ANK2: variants seen among roughly 807,000 people sequenced by gnomAD.
ANK2 encodes ankyrin-2.
In ANK2, 83 loss-of-function variants were observed where a neutral mutation model predicts 360.5. That is an observed-to-expected ratio of 0.23 (90% CI 0.19 to 0.28). ANK2 has a LOEUF of 0.28. Ranked by LOEUF, ANK2 falls within the 10% of genes least tolerant of loss-of-function variation. The pLI is 1.00. For missense variants in ANK2, 4,201 were observed against 4,795.7 expected (o/e 0.88, Z 3.66); for synonymous variants, 1,740 against 1,759.5 (o/e 0.99, Z 0.28).
the ANK2 span, among the ~76,000 whole-genome samples, chr4:112,763,529 G>GC: frequency 2.0e-5 from 2 of 98,182 alleles, no homozygotes; most frequent in Non-Finnish European, 4.3e-5. Flanking sequence ...ACAGCGCCTG[G>GC]CCTTTTTTTT....
At chr4:112,868,117 T>A (rs2071405726) in intron 1 of ANK2, among the ~76,000 whole-genome samples, 1 of 152,360 alleles carries the variant, frequency 6.6e-6, no homozygotes, top group South Asian at 2.1e-4. Context: ...AAGTGATATA[T>A]CATTATGTTT....
intron 1 of ANK2, among the ~76,000 whole-genome samples, chr4:112,852,179 A>T (rs1450184307): frequency 6.6e-6 from 1 of 152,228 alleles, no homozygotes; most frequent in Non-Finnish European, 1.5e-5. Context: ...CATGTAACAG[A>T]ACTTTAGAAA....
At chr4:112,906,714 G>A (rs1160851633) in intron 2 of ANK2, among the ~76,000 whole-genome samples, 1 of 152,160 alleles carries the variant, frequency 6.6e-6, no homozygotes, top group Non-Finnish European at 1.5e-5. Context: ...TATTTTCTCT[G>A]TGAAGAAGAT....
At chr4:112,752,013 A>T in the ANK2 span, among the ~76,000 whole-genome samples, 1 of 152,214 alleles carries the variant, frequency 6.6e-6, no homozygotes, top group Non-Finnish European at 1.5e-5. Context: ...TAGCATTCCC[A>T]GGACTTATTA....
chr4:112,790,484 CTTTTTTTTTT>C, the ANK2 span, among the ~76,000 whole-genome samples: 28 of 113,758 alleles, frequency 2.5e-4, no homozygotes, highest in Non-Finnish European at 3.3e-4. Flanking sequence ...CTTTTCTTTT[CTTTTTTTTTT>C]TTTTTTTTTT....
intron 2 of ANK2, among the ~76,000 whole-genome samples, chr4:113,012,892 A>C (rs573303180): frequency 2.0e-5 from 3 of 152,142 alleles, no homozygotes; most frequent in Non-Finnish European, 2.9e-5. Flanking sequence ...TCATCCATAG[A>C]TGCCTATCAC....
At position 113,333,304 on chromosome 4, in the gene ANK2, G is replaced by T. The variant is rs1166485683; in HGVS notation, c.3379+96G>T. On this transcript the variant is annotated intron_variant, in intron 29 of 45. Coordinates refer to ENST00000357077, the MANE Select transcript of ANK2 (RefSeq NM_001148.6). ...GACCTAGGGGTGTGTGTATATGTGT[G>T]TGTGTGTGTGTGTGTGTGTGTGTGT... is the stretch of plus-strand genomic sequence containing the variant. The T allele has an allele frequency of 9.2e-6, 11 of 1,189,664 alleles. No homozygotes were observed. In the East Asian group the frequency reaches 2.9e-4, roughly 31 times the overall value. The allele number at this position is 1,189,664 out of a possible 1,614,324, so 73.7% of individuals were successfully genotyped here. A position where few individuals can be genotyped will look rare whatever the true frequency, so the allele number is the denominator to read the frequency against.
At chr4:112,888,361 A>G (rs1280924408) in intron 1 of ANK2, among the ~76,000 whole-genome samples, 1 of 152,190 alleles carries the variant, frequency 6.6e-6, no homozygotes. Flanking sequence ...CTGTTCACAA[A>G]GTCAGAACAC....
At chr4:113,101,152 T>G (rs964878765) in intron 1 of ANK2, among the ~76,000 whole-genome samples, 72 of 152,270 alleles carry the variant, frequency 4.7e-4, no homozygotes, top group African/African-American at 1.6e-3. Context: ...CTTAATTAAT[T>G]AAAAAATAGA....
In ANK2 at chr4:113,365,083, A is replaced by G. The variant is rs1298045728; in HGVS notation, c.10933A>G (p.Ile3645Val). ...TCTCACCAAGATCAACCGAATGGATATTGTTCATCTCATGGAGACCAACAC... is the reference window on the plus strand; with the variant it reads ...TCTCACCAAGATCAACCGAATGGATGTTGTTCATCTCATGGAGACCAACAC... Reference protein sequence around the residue: ...ECLTKINRMDIVHLMETNTEP... With the variant: ...ECLTKINRMDVVHLMETNTEP... The change falls in exon 41 of 46, where the codon ATT becomes GTT. Residue 3645 changes from isoleucine (I) to valine (V), a missense_variant. Ile to Val is a conservative substitution (Grantham distance 29, BLOSUM62 3). Coordinates refer to ENST00000357077, the MANE Select transcript of ANK2 (RefSeq NM_001148.6). The G allele has an allele frequency of 1.9e-6, 3 of 1,613,960 alleles. No individual in the cohort carries two copies. Among genetic ancestry groups the G allele is most frequent in the South Asian group, 1.1e-5 (1 of 91,078 alleles).
At chr4:113,064,615 G>A (rs2074915404) in intron 1 of ANK2, among the ~76,000 whole-genome samples, 2 of 152,194 alleles carry the variant, frequency 1.3e-5, no homozygotes, top group African/African-American at 2.4e-5. Context: ...CCACCCTTAC[G>A]TCAAGAAAGT....
chr4:112,967,746 A>T (rs897764819), intron 2 of ANK2, among the ~76,000 whole-genome samples: 3 of 152,334 alleles, frequency 2.0e-5, no homozygotes, highest in African/African-American at 7.2e-5. Context: ...TTAGCTCTTT[A>T]ATCACACTCA....
intron 2 of ANK2, among the ~76,000 whole-genome samples, chr4:112,971,125 T>G (rs1481530585): frequency 6.6e-6 from 1 of 152,126 alleles, no homozygotes; most frequent in African/African-American, 2.4e-5. Flanking sequence ...GTCACAAATT[T>G]TATTTATTTT....
At chr4:113,351,877 C>A (rs1046910557) in intron 37 of ANK2, among the ~76,000 whole-genome samples, 27 of 152,132 alleles carry the variant, frequency 1.8e-4, no homozygotes, top group African/African-American at 6.5e-4. Flanking sequence ...TAGGTATAAA[C>A]TAATCTCTAA....
intron 1 of ANK2, among the ~76,000 whole-genome samples, chr4:113,140,029 T>C (rs953152049): frequency 2.1e-5 from 3 of 142,412 alleles, no homozygotes; most frequent in African/African-American, 5.2e-5. Context: ...CCATAAGTTA[T>C]GCAACAGTTT....
chr4:113,004,430 T>C (rs1431186436), intron 2 of ANK2, among the ~76,000 whole-genome samples: 1 of 152,122 alleles, frequency 6.6e-6, no homozygotes, highest in Non-Finnish European at 1.5e-5. Flanking sequence ...ACACCCACAG[T>C]AGCCTCGCCC....
chr4:112,959,084 A>G (rs1328913491), intron 2 of ANK2, among the ~76,000 whole-genome samples: 2 of 151,914 alleles, frequency 1.3e-5, no homozygotes, highest in African/African-American at 4.8e-5. Flanking sequence ...TCCTGACCTC[A>G]GGTGATCCGC....
intron 9 of ANK2, among the ~76,000 whole-genome samples, chr4:113,245,011 A>G (rs1225086835): frequency 2.0e-5 from 3 of 152,244 alleles, no homozygotes; most frequent in South Asian, 4.1e-4. Context: ...TATCCAGTCT[A>G]TCATTGATGG....
chr4:112,860,026 A>G (rs2067485476), intron 1 of ANK2, among the ~76,000 whole-genome samples: 1 of 152,198 alleles, frequency 6.6e-6, no homozygotes, highest in Admixed American at 6.5e-5. Context: ...TGTACCAGCA[A>G]ATCTGATAGC....
Sources: gnomAD v4.1 joint callset for allele counts (sites outside exome capture counted in the v4.1 genomes callset) on GRCh38, gnomAD v4.1.1 for gene constraint, MANE v1.5 for transcripts, NCBI Gene and HGNC (gene_info 2026-07-23, HGNC 2026-07-21) for gene names.